The following ACTR3C variants were observed in gnomAD, a reference collection of about 807,000 sequenced individuals.
The protein encoded by ACTR3C is actin related protein 3C.
Under a neutral mutation model 26.3 loss-of-function variants are expected in ACTR3C, and 18 were observed. That is an observed-to-expected ratio of 0.68 (90% CI 0.47 to 1.01). ACTR3C has a LOEUF of 1.01. Among genes scored for constraint, ACTR3C ranks in the 50% least tolerant of loss-of-function variants. The probability of loss-of-function intolerance (pLI) is 0.00; values close to 1 mark genes in which losing one functional copy is unlikely to be tolerated. For missense variants in ACTR3C, 184 were observed against 250.7 expected, an observed-to-expected ratio of 0.73 and a Z score of 1.80; for synonymous variants, 55 against 94.5, an observed-to-expected ratio of 0.58 and a Z score of 2.42.
chr7:150,108,825 C>G, the ACTR3C span, among the ~76,000 whole-genome samples: 1 of 150,224 alleles, frequency 6.7e-6, no homozygotes, highest in Non-Finnish European at 1.5e-5. Flanking sequence ...CACAAAGGGA[C>G]TAAGACAGGG....
chr7:150,006,882 A>AC, the ACTR3C span, among the ~76,000 whole-genome samples: 1 of 152,240 alleles, frequency 6.6e-6, no homozygotes, highest in Non-Finnish European at 1.5e-5. Context: ...CATACTTCTC[A>AC]ATAGGCATAT....
intron 6 of ACTR3C, among the ~76,000 whole-genome samples, chr7:150,266,311 G>C (rs1372092232): frequency 6.8e-6 from 1 of 147,936 alleles, no homozygotes; most frequent in Admixed American, 6.6e-5. Context: ...AAGTCATCAG[G>C]ATACTTCAAT....
At chr7:149,885,069 A>G in the ACTR3C span, among the ~76,000 whole-genome samples, 4,468 of 152,132 alleles carry the variant, frequency 0.029, 206 homozygotes, top group African/African-American at 0.094. Context: ...TATGATGCTT[A>G]GCAGTACCGC....
At chr7:150,180,670 G>A in the ACTR3C span, among the ~76,000 whole-genome samples, 4 of 148,784 alleles carry the variant, frequency 2.7e-5, no homozygotes, top group East Asian at 5.8e-4. Flanking sequence ...GCGCCACCAC[G>A]CCTGGCTAAT....
the ACTR3C span, among the ~76,000 whole-genome samples, chr7:149,884,848 G>A: frequency 6.6e-6 from 1 of 152,202 alleles, no homozygotes; most frequent in African/African-American, 2.4e-5. Context: ...ATGCTTGAAA[G>A]TACAGGTTCC....
the ACTR3C span, among the ~76,000 whole-genome samples, chr7:149,997,523 T>A: frequency 6.6e-6 from 1 of 152,188 alleles, no homozygotes; most frequent in Non-Finnish European, 1.5e-5. Flanking sequence ...TATCTGGCAT[T>A]CAATCAATAT....
chr7:150,284,132 A>T (rs1390592517), intron 6 of ACTR3C, among the ~76,000 whole-genome samples: 1 of 152,234 alleles, frequency 6.6e-6, no homozygotes, highest in Non-Finnish European at 1.5e-5. Flanking sequence ...AATGGAATTC[A>T]CGGAAAGCAT....
intron 1 of ACTR3C, among the ~76,000 whole-genome samples, chr7:150,301,043 T>C (rs1795407537): frequency 6.6e-6 from 1 of 152,148 alleles, no homozygotes. Flanking sequence ...GTTGGTGGCA[T>C]TAAAAATGAG....
At chr7:150,143,656 G>C in the ACTR3C span, among the ~76,000 whole-genome samples, 1 of 152,126 alleles carries the variant, frequency 6.6e-6, no homozygotes, top group East Asian at 1.9e-4. Context: ...GCAAAACCGT[G>C]AGTGGAAATT....
At chr7:150,229,021 C>A in the ACTR3C span, among the ~76,000 whole-genome samples, 1 of 151,520 alleles carries the variant, frequency 6.6e-6, no homozygotes, top group Non-Finnish European at 1.5e-5. Flanking sequence ...GACTGTGTAT[C>A]CTGTAAATTT....
the ACTR3C span, among the ~76,000 whole-genome samples, chr7:149,977,301 A>G: frequency 2.0e-5 from 3 of 152,198 alleles, no homozygotes; most frequent in Non-Finnish European, 2.9e-5. Flanking sequence ...TGTTGAGATG[A>G]CACCAGCCCG....
chr7:149,927,597 G>A, the ACTR3C span, among the ~76,000 whole-genome samples: 36,593 of 151,428 alleles, frequency 0.24, 5,073 homozygotes, highest in South Asian at 0.37. Flanking sequence ...GCATAGTGGC[G>A]CATGCCTGTA....
chr7:150,039,405 GACTGGCTCTCA>G, the ACTR3C span, among the ~76,000 whole-genome samples: 1 of 65,620 alleles, frequency 1.5e-5, no homozygotes, highest in Non-Finnish European at 3.5e-5. Flanking sequence ...GGGGAAGAGG[GACTGGCTCTCA>G]GTCCCTGCCT....
chr7:150,051,962 T>G, the ACTR3C span, among the ~76,000 whole-genome samples: 1 of 152,270 alleles, frequency 6.6e-6, no homozygotes, highest in Non-Finnish European at 1.5e-5. Flanking sequence ...TGTAGTTGAC[T>G]TCCCTTTTCT....
intron 1 of ACTR3C, among the ~76,000 whole-genome samples, chr7:150,311,639 A>T (rs1343614198): frequency 3.3e-5 from 5 of 152,188 alleles, no homozygotes; most frequent in Middle Eastern, 3.2e-3. Flanking sequence ...TAATACACAT[A>T]GCATCTTCCC....
chr7:149,907,541 G>A, the ACTR3C span, among the ~76,000 whole-genome samples: 9 of 137,972 alleles, frequency 6.5e-5, no homozygotes, highest in Non-Finnish European at 1.2e-4. Flanking sequence ...CAATGTAACT[G>A]TTCTTTTACT....
chr7:150,159,400 C>T, the ACTR3C span, among the ~76,000 whole-genome samples: 5 of 152,284 alleles, frequency 3.3e-5, no homozygotes, highest in South Asian at 8.3e-4. Flanking sequence ...GCCACAGGAT[C>T]GATTCGTCGT....
chr7:149,925,346 C>G, the ACTR3C span, among the ~76,000 whole-genome samples: 3 of 152,060 alleles, frequency 2.0e-5, no homozygotes, highest in Non-Finnish European at 4.4e-5. Context: ...CTTTCTCTCC[C>G]GGAACTAGAG....
At chr7:150,139,343 TA>T in the ACTR3C span, among the ~76,000 whole-genome samples, 33,537 of 139,428 alleles carry the variant, frequency 0.24, 5,331 homozygotes, top group African/African-American at 0.48. Flanking sequence ...CTGGCCCTGG[TA>T]AAAAAAAATA....
Sources: gnomAD v4.1 joint callset for allele counts (sites outside exome capture counted in the v4.1 genomes callset) on GRCh38, gnomAD v4.1.1 for gene constraint, MANE v1.5 for transcripts, NCBI Gene and HGNC (gene_info 2026-07-23, HGNC 2026-07-21) for gene names.